Variants in TAB1 observed in about 807,000 individuals in gnomAD.
The protein encoded by TAB1 is TGF-beta activated kinase 1 (MAP3K7) binding protein 1.
In TAB1, 30 loss-of-function variants were observed where a neutral mutation model predicts 54.5. That is an observed-to-expected ratio of 0.55 (90% CI 0.41 to 0.75). TAB1 has a LOEUF of 0.75. Ranked by LOEUF, TAB1 falls within the 30% of genes least tolerant of loss-of-function variation. The pLI is 0.00. For missense variants in TAB1, 609 were observed against 683.2 expected (o/e 0.89, Z 1.21); for synonymous variants, 289 against 286.9 (o/e 1.01, Z -0.07).
At chr22:39,419,669 C>G in intron 7 of TAB1, 39 bp downstream of exon 7, 3 of 1,486,108 alleles carry the variant, frequency 2.0e-6, no homozygotes, top group South Asian at 1.2e-5. Context: ...CTTGAAAGAA[C>G]AGAAGGTCCT....
intron 1 of TAB1, among the ~76,000 whole-genome samples, chr22:39,402,994 G>T (rs998669610): frequency 2.6e-5 from 4 of 152,246 alleles, no homozygotes; most frequent in African/African-American, 9.6e-5. Context: ...AGAGGACTCT[G>T]GGGAGTATTG....
chr22:39,430,484 G>A lies in TAB1; in HGVS notation c.*262G>A. ...AGGACCATCGCCCTTTCTCAGAGCA[G>A]AGGGCCAGGTATAGAAACCGCAGTG... On this transcript the variant is annotated 3_prime_UTR_variant, in exon 11 of 11. Coordinates refer to ENST00000216160, the MANE Select transcript of TAB1 (RefSeq NM_006116.3). 1 of 1,369,796 alleles carries A rather than the reference G, an allele frequency of 7.3e-7. No homozygotes were observed. Among genetic ancestry groups the A allele is most frequent in the Non-Finnish European group, 9.5e-7 (1 of 1,057,398 alleles). 84.9% of individuals were successfully genotyped at this position (1,369,796 alleles called of 1,614,324 possible). A position where few individuals can be genotyped will look rare whatever the true frequency, so the allele number is the denominator to read the frequency against.
rs540739338 is a variant in TAB1, at chr22:39,416,687, G to T, written c.325-104G>T. On this transcript the variant is annotated intron_variant, in intron 3 of 10. Coordinates refer to ENST00000216160, the MANE Select transcript of TAB1 (RefSeq NM_006116.3). ...GGAAAGCTCCATCACACAAGAACCT[G>T]CAGTGAAGACAGCAAAGCTGCTGCT... The T allele has an allele frequency of 5.0e-5, 53 of 1,062,886 alleles. No individual in the cohort carries two copies. In the Middle Eastern group the frequency reaches 1.5e-3, roughly 30 times the overall value. The allele number at this position is 1,062,886 out of a possible 1,614,324, so 65.8% of individuals were successfully genotyped here. A position where few individuals can be genotyped will look rare whatever the true frequency, so the allele number is the denominator to read the frequency against.
In TAB1 at chr22:39,399,967, C is replaced by T. The variant is rs61185571; in HGVS notation, c.33+132C>T. 1,877 of 1,029,826 alleles carry T rather than the reference C, an allele frequency of 1.8e-3. 66 individuals carry two copies. In the East Asian group the frequency reaches 0.048, roughly 26 times the overall value. 63.8% of individuals were successfully genotyped at this position (1,029,826 alleles called of 1,614,324 possible). On this transcript the variant is annotated intron_variant, in intron 1 of 10. Transcript: ENST00000216160. ...TGGTGGGGTGTGTCAGCCACCTTCT[C>T]CTCTCCTCGGGCTGGCCCCCTCGTT...
rs562703939 is a variant in TAB1, at chr22:39,410,774, T to TC, written c.34-4228dup. On this transcript the variant is annotated intron_variant, in intron 1 of 10. Transcript: ENST00000216160. ...CTCAACATAGTGACAATGTCTACTT[T>TC]CCCCAAATTGATCTGTAGATTTAAA... Among the ~76,000 whole-genome samples, 3 of 152,320 alleles carry TC rather than the reference T, an allele frequency of 2.0e-5. 1 individual carries two copies.
chr22:39,418,710 A>T, intron 5 of TAB1, 22 bp from the exon 6 acceptor site: 1 of 1,555,880 alleles, frequency 6.4e-7, no homozygotes, highest in South Asian at 1.1e-5. Flanking sequence ...GTCTTTGCTT[A>T]GCTGTTCACA....
chr22:39,425,878 T>C (rs1927310047), intron 8 of TAB1, among the ~76,000 whole-genome samples: 1 of 150,986 alleles, frequency 6.6e-6, no homozygotes, highest in Admixed American at 6.6e-5. Flanking sequence ...ATTTTCTTTT[T>C]TTTTTTTTTT....
intron 8 of TAB1, among the ~76,000 whole-genome samples, chr22:39,422,846 C>T (rs1057028374): frequency 6.6e-6 from 1 of 152,140 alleles, no homozygotes; most frequent in African/African-American, 2.4e-5. Flanking sequence ...AAGACAGTCA[C>T]GTTAGGGATG....
chr22:39,425,397 T>A (rs1363599257), intron 8 of TAB1, among the ~76,000 whole-genome samples: 1 of 151,582 alleles, frequency 6.6e-6, no homozygotes, highest in African/African-American at 2.4e-5. Flanking sequence ...AAAAAAAAAT[T>A]ACATGGGATT....
At chr22:39,419,076 G>A (rs1018561101) in intron 6 of TAB1, among the ~76,000 whole-genome samples, 8 of 152,212 alleles carry the variant, frequency 5.3e-5, no homozygotes, top group African/African-American at 1.9e-4. Flanking sequence ...ACCTACCTCG[G>A]GATGCTAGGA....
At chr22:39,432,781 G>A, downstream of TAB1, 1 of 985,712 alleles carries the variant, frequency 1.0e-6, no homozygotes, top group South Asian at 4.7e-5. Context: ...GTGGGGCCGG[G>A]CGCTGCACTG....
chr22:39,419,564 A>G lies in TAB1; in HGVS notation c.710A>G (p.Gln237Arg), dbSNP rs963285021. 3 of 1,613,180 alleles carry G rather than the reference A, an allele frequency of 1.9e-6. No individual in the cohort carries two copies. Among genetic ancestry groups the G allele is most frequent in the Non-Finnish European group, 2.5e-6 (3 of 1,179,502 alleles). ...AAGCAGGTGGGGATCATCTGTGGGC[A>G]GGAGAGCACCCGGCGGATCGGGGAT... ...KIKQVGIICG[Q>R]ESTRRIGDYK... Residue 237 changes from glutamine (Q) to arginine (R), a missense_variant, in exon 7 of 11, where the codon CAG (glutamine) becomes CGG (arginine). By Grantham distance (43) the Gln-to-Arg change is conservative. Coordinates refer to ENST00000216160, the MANE Select transcript of TAB1 (RefSeq NM_006116.3).
chr22:39,403,007 G>T (rs571286378), intron 1 of TAB1, among the ~76,000 whole-genome samples: 1 of 152,342 alleles, frequency 6.6e-6, no homozygotes, highest in South Asian at 2.1e-4. Flanking sequence ...GAGTATTGTT[G>T]GTGTTAAAGG....
At chr22:39,409,226 C>A (rs1601685584) in intron 1 of TAB1, among the ~76,000 whole-genome samples, 1 of 152,128 alleles carries the variant, frequency 6.6e-6, no homozygotes, top group Non-Finnish European at 1.5e-5. Flanking sequence ...TTCTGCTTAA[C>A]CTCATAATTA....
At chr22:39,428,227 CGT>C in intron 10 of TAB1, 44 bp downstream of exon 10, 1 of 1,360,718 alleles carries the variant, frequency 7.3e-7, no homozygotes, top group Non-Finnish European at 1.0e-6. Flanking sequence ...CTGTCACCCC[CGT>C]GTGTGTCCTG....
intron 1 of TAB1, among the ~76,000 whole-genome samples, chr22:39,409,928 G>A (rs983290619): frequency 1.3e-5 from 2 of 152,172 alleles, no homozygotes; most frequent in African/African-American, 4.8e-5. Flanking sequence ...TGTTGCAAAT[G>A]CTCAGCAGAT....
intron 1 of TAB1, among the ~76,000 whole-genome samples, chr22:39,414,026 T>C (rs1214818274): frequency 6.6e-6 from 1 of 152,150 alleles, no homozygotes; most frequent in Non-Finnish European, 1.5e-5. Context: ...TGTGTGAGCG[T>C]GTTTAAAGCT....
Position 39,419,635 on chromosome 22 carries a change from G to A in TAB1, c.776+5G>A, listed in dbSNP as rs767899383. On this transcript the variant is annotated splice_donor_5th_base_variant and intron_variant, in intron 7 of 10. Transcript: ENST00000216160. ...CACGGACATTGACCTTCTCAGGTAG[G>A]TGCCAGCCCAGCTGTCCCCTGTGCT... 3.1e-6 allele frequency: 5 copies of A among 1,597,530 alleles called. No homozygotes were observed. The highest frequency in any genetic ancestry group is 2.7e-5 in the African/African-American group (2 of 74,524).
chr22:39,427,246 C>T (rs1927389952), intron 9 of TAB1, among the ~76,000 whole-genome samples: 2 of 152,350 alleles, frequency 1.3e-5, no homozygotes, highest in East Asian at 1.9e-4. Context: ...GTGCCAGGCA[C>T]ACAGCCTGCC....
Sources: gnomAD v4.1 joint callset for allele counts (sites outside exome capture counted in the v4.1 genomes callset) on GRCh38, gnomAD v4.1.1 for gene constraint, MANE v1.5 for transcripts, NCBI Gene and HGNC (gene_info 2026-07-23, HGNC 2026-07-21) for gene names.